The following GATB variants were observed in gnomAD, a reference collection of about 807,000 sequenced individuals.
The protein encoded by GATB is glutamyl-tRNA(Gln) amidotransferase subunit B, mitochondrial.
In GATB, 39 loss-of-function variants were observed where a neutral mutation model predicts 62.3. The observed-to-expected ratio is 0.63, with a 90% CI of 0.48 to 0.82. GATB has a LOEUF of 0.82. Among genes scored for constraint, GATB ranks in the 40% least tolerant of loss-of-function variants. The probability of loss-of-function intolerance (pLI) is 0.00; values close to 1 mark genes in which losing one functional copy is unlikely to be tolerated. For missense variants in GATB, 670 were observed against 684.0 expected, an observed-to-expected ratio of 0.98 and a Z score of 0.23; for synonymous variants, 276 against 258.9, an observed-to-expected ratio of 1.07 and a Z score of -0.63.
chr4:151,722,002 A>G (rs1167129095), intron 2 of GATB: 3 of 575,168 alleles, frequency 5.2e-6, no homozygotes, highest in South Asian at 4.6e-5. Context: ...GAAGCCATGA[A>G]GTACTTCAAG....
Position 151,719,447 on chromosome 4 carries a change from T to C in GATB, c.419A>G (p.His140Arg). The C allele has an allele frequency of 6.2e-7, 1 of 1,611,876 alleles. No individual in the cohort carries two copies. Among genetic ancestry groups the C allele is most frequent in the Non-Finnish European group, 8.5e-7 (1 of 1,178,800 alleles). ...INKKSLFDRK[H>R]YFYADLPAGY... ...TACAGGGAGGTCTGCATAGAAGTAG[T>C]GCTTCCTGTCAAACAAGGACTTCTT... is the stretch of plus-strand genomic sequence containing the variant. Residue 140 changes from histidine (H) to arginine (R), a missense_variant, in exon 3 of 13, where the codon CAC (histidine) becomes CGC (arginine). By Grantham distance (29) the His-to-Arg change is conservative. Transcript: ENST00000263985.
chr4:151,693,665 T>C (rs1738414195), intron 9 of GATB, among the ~76,000 whole-genome samples: 1 of 152,164 alleles, frequency 6.6e-6, no homozygotes, highest in Non-Finnish European at 1.5e-5. Flanking sequence ...CCTGTTTTGG[T>C]GCCCACAATT....
chr4:151,682,906 A>G (rs372311764), intron 10 of GATB, among the ~76,000 whole-genome samples: 1 of 152,126 alleles, frequency 6.6e-6, no homozygotes. Context: ...TGTTCCAGGC[A>G]GCCCCCTTCT....
intron 2 of GATB, among the ~76,000 whole-genome samples, chr4:151,747,566 A>G: frequency 6.6e-6 from 1 of 152,244 alleles, no homozygotes. Flanking sequence ...AGATACCTCC[A>G]TAGTCCAGGG....
chr4:151,735,726 A>G (rs1578932348), intron 2 of GATB, among the ~76,000 whole-genome samples: 1 of 130,752 alleles, frequency 7.6e-6, no homozygotes, highest in African/African-American at 3.4e-5. Context: ...GTGGATAAAT[A>G]AACTGTGGTG....
intron 5 of GATB, among the ~76,000 whole-genome samples, chr4:151,713,064 G>A (rs1004749361): frequency 6.6e-6 from 1 of 152,032 alleles, no homozygotes; most frequent in African/African-American, 2.4e-5. Flanking sequence ...ATAGGAGCAC[G>A]AACCCTATTG....
chr4:151,708,473 T>C (rs1223249134), intron 5 of GATB, among the ~76,000 whole-genome samples: 2 of 148,406 alleles, frequency 1.3e-5, no homozygotes, highest in Non-Finnish European at 2.9e-5. Flanking sequence ...ATACTGAAGT[T>C]TTTTTTCAAA....
At chr4:151,727,549 A>G (rs998113383) in intron 2 of GATB, among the ~76,000 whole-genome samples, 1 of 152,210 alleles carries the variant, frequency 6.6e-6, no homozygotes, top group Non-Finnish European at 1.5e-5. Flanking sequence ...TGTTCCCACA[A>G]CATTCTCAAC....
intron 10 of GATB, among the ~76,000 whole-genome samples, chr4:151,685,038 G>A (rs980431814): frequency 7.2e-5 from 11 of 152,282 alleles, no homozygotes; most frequent in Admixed American, 1.3e-4. Context: ...TAGGGCCTCC[G>A]TCACCTCGTC....
chr4:151,680,000 C>T (rs1477440855), intron 10 of GATB, 109 bp from the exon 11 acceptor site: 38 of 872,868 alleles, frequency 4.4e-5, no homozygotes, highest in Non-Finnish European at 4.0e-5. Flanking sequence ...AATATCGGAC[C>T]CACGCCTAGG....
At position 151,706,962 on chromosome 4, in the gene GATB, G is replaced by A. The variant is rs1048641692; in HGVS notation, c.877+1026C>T. Among the ~76,000 whole-genome samples, 51 of 152,122 alleles carry A rather than the reference G, an allele frequency of 3.4e-4. 1 individual carries two copies. Among genetic ancestry groups the A allele is most frequent in the Admixed American group, 2.4e-3 (37 of 15,274 alleles). On this transcript the variant is annotated intron_variant, in intron 6 of 12. Coordinates refer to ENST00000263985, the MANE Select transcript of GATB (RefSeq NM_004564.3). ...TGAATTCACAGTTACCTATATCTAC[G>A]GGACTGCTCAGATATTTATCTTGCT...
intron 5 of GATB, among the ~76,000 whole-genome samples, chr4:151,711,441 G>A (rs1272761353): frequency 6.6e-6 from 1 of 152,134 alleles, no homozygotes; most frequent in African/African-American, 2.4e-5. Context: ...CTGGCACAGT[G>A]GCCTTGTGCT....
At chr4:151,684,960 T>C (rs2126958687) in intron 10 of GATB, among the ~76,000 whole-genome samples, 1 of 152,234 alleles carries the variant, frequency 6.6e-6, no homozygotes, top group Admixed American at 6.5e-5. Context: ...CAGAAGCCGA[T>C]CACAAGCCAG....
chr4:151,679,956 G>A, intron 10 of GATB, 65 bp from the exon 11 acceptor site: 3 of 1,435,354 alleles, frequency 2.1e-6, no homozygotes, highest in Non-Finnish European at 2.9e-6. Context: ...ATGAATGGCT[G>A]TTCGGAATCA....
At chr4:151,687,288 C>G (rs764141808) in intron 10 of GATB, among the ~76,000 whole-genome samples, 1 of 152,230 alleles carries the variant, frequency 6.6e-6, no homozygotes, top group Non-Finnish European at 1.5e-5. Context: ...CTGCAGGCAG[C>G]TCGAAGTCAG....
rs1029218887 is a variant in GATB, at chr4:151,727,573, G to A, written c.328-8035C>T. Among the ~76,000 whole-genome samples the A allele has an allele frequency of 2.6e-5, 4 of 152,146 alleles. No individual in the cohort carries two copies. The East Asian group carries it at 5.8e-4, about 22-fold the overall frequency. ...AACATTCTCAACAGTTACTAATCTG[G>A]CATTACTCACTGGTGATTAACCTGA... On this transcript the variant is annotated intron_variant, in intron 2 of 12. Transcript: ENST00000263985.
At chr4:151,678,762 C>T (rs899475790) in intron 11 of GATB, among the ~76,000 whole-genome samples, 5 of 152,358 alleles carry the variant, frequency 3.3e-5, no homozygotes, top group Non-Finnish European at 5.9e-5. Flanking sequence ...TGCAGATAAA[C>T]GTTACATGCA....
intron 2 of GATB, among the ~76,000 whole-genome samples, chr4:151,740,441 C>T (rs1017317671): frequency 1.3e-5 from 2 of 152,182 alleles, no homozygotes; most frequent in African/African-American, 4.8e-5. Flanking sequence ...GCAACTGTAA[C>T]ACAACAGTAA....
At chr4:151,692,521 G>T (rs1330758514) in intron 9 of GATB, among the ~76,000 whole-genome samples, 1 of 152,156 alleles carries the variant, frequency 6.6e-6, no homozygotes, top group Non-Finnish European at 1.5e-5. Flanking sequence ...TTCTGCCTTT[G>T]CCAGTGTACA....
Sources: allele counts gnomAD v4.1 joint callset (sites outside exome capture counted in the v4.1 genomes callset), GRCh38; gene constraint gnomAD v4.1.1; transcripts MANE v1.5; gene names NCBI Gene and HGNC (gene_info 2026-07-23, HGNC 2026-07-21).